Variants in TEX9 observed in about 807,000 individuals in gnomAD.
The protein encoded by TEX9 is testis-expressed protein 9.
TEX9 carries 74 observed loss-of-function variants against 59.6 expected under a neutral mutation model. The ratio of observed to expected loss-of-function variants is 1.24; its 90% CI spans 1.03 to 1.51. TEX9 has a LOEUF of 1.51. TEX9 is among the 40% of genes most tolerant of loss of function. The probability of loss-of-function intolerance (pLI) is 0.00; values close to 1 mark genes in which losing one functional copy is unlikely to be tolerated. For synonymous variants in TEX9, 186 were observed against 152.2 expected, an observed-to-expected ratio of 1.22 and a Z score of -1.64; for missense variants, 522 against 447.8, an observed-to-expected ratio of 1.17 and a Z score of -1.49.
intron 10 of TEX9, among the ~76,000 whole-genome samples, chr15:56,418,643 T>G (rs1414869472): frequency 6.6e-6 from 1 of 151,528 alleles, no homozygotes; most frequent in African/African-American, 2.4e-5. Flanking sequence ...AGAGCGAGAC[T>G]CTGTCTCAAA....
intron 2 of TEX9, among the ~76,000 whole-genome samples, chr15:56,373,002 G>A (rs1013876565): frequency 5.3e-5 from 8 of 152,084 alleles, no homozygotes; most frequent in Admixed American, 5.2e-4. Flanking sequence ...CCCAGTTATA[G>A]CAATACCCCA....
At chr15:56,372,608 T>C (rs2047242660) in intron 2 of TEX9, among the ~76,000 whole-genome samples, 1 of 152,204 alleles carries the variant, frequency 6.6e-6, no homozygotes, top group African/African-American at 2.4e-5. Context: ...CAGTTTAACA[T>C]GCTTCTAAAG....
intron 1 of TEX9, among the ~76,000 whole-genome samples, chr15:56,256,621 A>G (rs1444134762): frequency 6.6e-6 from 1 of 151,998 alleles, no homozygotes; most frequent in African/African-American, 2.4e-5. Flanking sequence ...AGAACCAAAA[A>G]TGTCAAAAGT....
intron 1 of TEX9, among the ~76,000 whole-genome samples, chr15:56,301,724 A>G (rs2045364429): frequency 6.6e-6 from 1 of 152,182 alleles, no homozygotes; most frequent in South Asian, 2.1e-4. Flanking sequence ...TTAAAGAGAA[A>G]TAAAGACTTT....
At chr15:56,444,485 C>T in intron 12 of TEX9, 2 of 1,608,940 alleles carry the variant, frequency 1.2e-6, no homozygotes, top group Non-Finnish European at 1.7e-6. Context: ...TTTCATCAAT[C>T]ATGAGTTTCT....
At chr15:56,445,648 A>T (rs1257081844) in intron 12 of TEX9, 1 of 151,682 alleles carries the variant, frequency 6.6e-6, no homozygotes, top group Non-Finnish European at 1.5e-5. Context: ...ACACTTACCG[A>T]AAACAATGTT....
intron 1 of TEX9, among the ~76,000 whole-genome samples, chr15:56,254,180 G>A (rs965118364): frequency 5.3e-5 from 8 of 152,158 alleles, no homozygotes; most frequent in African/African-American, 9.6e-5. Context: ...GAAAAATGCC[G>A]TAAGTGTATG....
At chr15:56,440,655 T>C (rs956730997) in intron 12 of TEX9, among the ~76,000 whole-genome samples, 3 of 152,196 alleles carry the variant, frequency 2.0e-5, no homozygotes, top group South Asian at 2.1e-4. Flanking sequence ...AAATGATCAA[T>C]ACAAGCAACT....
intron 10 of TEX9, among the ~76,000 whole-genome samples, chr15:56,417,634 C>T (rs1232115433): frequency 6.6e-6 from 1 of 151,746 alleles, no homozygotes; most frequent in African/African-American, 2.4e-5. Context: ...AGAGTATGTG[C>T]CATATGGCAC....
chr15:56,347,502 G>T (rs1293162262), intron 1 of TEX9, among the ~76,000 whole-genome samples: 1 of 151,626 alleles, frequency 6.6e-6, no homozygotes, highest in African/African-American at 2.4e-5. Flanking sequence ...TCAACAAATG[G>T]TTCCAGAGCA....
the TEX9 span, among the ~76,000 whole-genome samples, chr15:56,454,633 G>C: frequency 6.6e-6 from 1 of 152,032 alleles, no homozygotes; most frequent in Admixed American, 6.6e-5. Flanking sequence ...ATGAGTGAAA[G>C]TACTGTTTTC....
intron 4 of TEX9, among the ~76,000 whole-genome samples, chr15:56,388,108 A>G (rs1172506406): frequency 6.6e-6 from 1 of 152,004 alleles, no homozygotes; most frequent in Non-Finnish European, 1.5e-5. Flanking sequence ...AGTGGATTAA[A>G]AGAACAGTAA....
chr15:56,447,259 C>T, downstream of TEX9: 1 of 181,818 alleles, frequency 5.5e-6, no homozygotes, highest in African/African-American at 2.3e-5. Flanking sequence ...CAATTTTGGT[C>T]ATCTTCTTAG....
At chr15:56,442,433 G>A (rs140365930) in intron 12 of TEX9, among the ~76,000 whole-genome samples, 1,924 of 152,262 alleles carry the variant, frequency 0.013, 40 homozygotes, top group African/African-American at 0.044. Context: ...AATGACACAT[G>A]CATGTGTGTA....
chr15:56,317,715 T>G (rs1329880042), intron 1 of TEX9, among the ~76,000 whole-genome samples: 1 of 152,208 alleles, frequency 6.6e-6, no homozygotes, highest in East Asian at 1.9e-4. Flanking sequence ...GTACTTTCAT[T>G]TTCATTAATC....
At chr15:56,301,334 C>A (rs902830323) in intron 1 of TEX9, among the ~76,000 whole-genome samples, 1 of 151,942 alleles carries the variant, frequency 6.6e-6, no homozygotes, top group Non-Finnish European at 1.5e-5. Context: ...CCTACAAGAT[C>A]TAGAAAATAG....
At chr15:56,301,892 A>T (rs1230019958) in intron 1 of TEX9, among the ~76,000 whole-genome samples, 1 of 152,200 alleles carries the variant, frequency 6.6e-6, no homozygotes, top group Non-Finnish European at 1.5e-5. Flanking sequence ...AGACAAACAC[A>T]GCATATTGTA....
At chr15:56,267,070 T>C (rs552237758) in intron 1 of TEX9, among the ~76,000 whole-genome samples, 1 of 152,344 alleles carries the variant, frequency 6.6e-6, no homozygotes, top group South Asian at 2.1e-4. Flanking sequence ...ATTTCTCTGA[T>C]GGCCAGTGAT....
At chr15:56,295,520 C>T in intron 1 of TEX9, among the ~76,000 whole-genome samples, 1 of 152,190 alleles carries the variant, frequency 6.6e-6, no homozygotes, top group East Asian at 1.9e-4. Context: ...TTACTAGTTT[C>T]TGCCTTCACT....
Sources: allele counts gnomAD v4.1 joint callset (sites outside exome capture counted in the v4.1 genomes callset), GRCh38; gene constraint gnomAD v4.1.1; transcripts MANE v1.5; gene names NCBI Gene and HGNC (gene_info 2026-07-23, HGNC 2026-07-21).